MICU1: variants seen among roughly 807,000 people sequenced by gnomAD.
MICU1 encodes calcium uptake protein 1, mitochondrial.
A neutral mutation model predicts 56.8 loss-of-function variants in MICU1; 45 were observed. That is an observed-to-expected ratio of 0.79 (90% confidence interval 0.62 to 1.02). The LOEUF (loss-of-function observed/expected upper bound fraction) is 1.02, where lower values mean the gene tolerates loss of function less well. Ranked by LOEUF, MICU1 falls within the 50% of genes least tolerant of loss-of-function variation. The pLI is 0.00. For synonymous variants in MICU1, 186 were observed against 195.1 expected, an observed-to-expected ratio of 0.95 and a Z score of 0.39; for missense variants, 504 against 587.1, an observed-to-expected ratio of 0.86 and a Z score of 1.46.
chr10:72,416,354 C>T (rs1863983706), intron 9 of MICU1, among the ~76,000 whole-genome samples: 1 of 152,070 alleles, frequency 6.6e-6, no homozygotes, highest in Non-Finnish European at 1.5e-5. Context: ...GTTTTATGGC[C>T]ACATTTCACA....
At chr10:72,412,989 A>G (rs1453179951) in intron 9 of MICU1, among the ~76,000 whole-genome samples, 3 of 151,728 alleles carry the variant, frequency 2.0e-5, no homozygotes, top group Non-Finnish European at 4.4e-5. Context: ...TTGAGCCTGG[A>G]AGTTTGAGAC....
intron 8 of MICU1, among the ~76,000 whole-genome samples, chr10:72,471,930 T>TGG (rs1865963828): frequency 6.7e-6 from 1 of 150,266 alleles, no homozygotes; most frequent in African/African-American, 2.4e-5. Context: ...CACTATGCCT[T>TGG]TGTGTGTGTG....
At chr10:72,370,183 T>C (rs534983027) in intron 11 of MICU1, among the ~76,000 whole-genome samples, 113 of 151,860 alleles carry the variant, frequency 7.4e-4, no homozygotes, top group Non-Finnish European at 1.4e-3. Flanking sequence ...GCCAAGAGCA[T>C]CTGTTTTAAT....
chr10:72,481,371 AG>A (rs2132281298), intron 6 of MICU1, among the ~76,000 whole-genome samples: 1 of 152,262 alleles, frequency 6.6e-6, no homozygotes, highest in Non-Finnish European at 1.5e-5. Flanking sequence ...CTGTTTCCAT[AG>A]AAAGGTTCTG....
At chr10:72,400,902 CA>C (rs879452428) in intron 10 of MICU1, among the ~76,000 whole-genome samples, 4 of 149,228 alleles carry the variant, frequency 2.7e-5, no homozygotes, top group South Asian at 2.1e-4. Flanking sequence ...CACACACACA[CA>C]CCCTATATGA....
intron 6 of MICU1, chr10:72,477,528 A>G (rs886766453): frequency 7.8e-6 from 12 of 1,535,560 alleles, no homozygotes; most frequent in Non-Finnish European, 9.6e-6. Context: ...TAAATGATTT[A>G]GCTTTGCTTT....
chr10:72,512,298 A>G (rs1211030472), intron 5 of MICU1, among the ~76,000 whole-genome samples: 1 of 151,672 alleles, frequency 6.6e-6, no homozygotes, highest in Non-Finnish European at 1.5e-5. Context: ...TTTAGTAGAG[A>G]TGGGTTTCAC....
At chr10:72,605,587 T>A (rs1016680017) in intron 1 of MICU1, among the ~76,000 whole-genome samples, 1 of 152,172 alleles carries the variant, frequency 6.6e-6, no homozygotes, top group Non-Finnish European at 1.5e-5. Context: ...CCTGTGATAG[T>A]TTGAAAGGTA....
intron 9 of MICU1, among the ~76,000 whole-genome samples, chr10:72,409,954 C>T (rs2132108509): frequency 6.6e-6 from 1 of 152,300 alleles, no homozygotes; most frequent in South Asian, 2.1e-4. Context: ...TAATCATAAA[C>T]TCCAGCCCCT....
Position 72,367,722 on chromosome 10 carries a change from A to T in MICU1, c.*473T>A, listed in dbSNP as rs1370887207. On this transcript the variant is annotated 3_prime_UTR_variant, in exon 12 of 12. Coordinates refer to ENST00000361114, the MANE Select transcript of MICU1 (RefSeq NM_001195518.2). ...AGCGTAGGGTGCCTAGGTCATCCTC[A>T]TCATTGTTTATCATCACAGACTTCT... 1 of 158,092 alleles carries T rather than the reference A, an allele frequency of 6.3e-6. No individual in the cohort carries two copies. The allele number at this position is 158,092 out of a possible 1,614,324, so 9.8% of individuals were successfully genotyped here.
intron 1 of MICU1, among the ~76,000 whole-genome samples, chr10:72,570,134 G>A (rs1438210157): frequency 1.3e-5 from 2 of 151,914 alleles, no homozygotes; most frequent in African/African-American, 2.4e-5. Flanking sequence ...TAGTAAAGAC[G>A]GGGTCTTACC....
At chr10:72,401,762 G>A (rs923408187) in intron 10 of MICU1, among the ~76,000 whole-genome samples, 57 of 152,218 alleles carry the variant, frequency 3.7e-4, no homozygotes, top group African/African-American at 1.2e-3. Flanking sequence ...TCAAGTGTAC[G>A]ATAGGATTAC....
intron 5 of MICU1, chr10:72,528,680 C>G (rs1839390241): frequency 5.5e-6 from 1 of 180,542 alleles, no homozygotes; most frequent in Admixed American, 6.1e-5. Flanking sequence ...ATCTTCAAAA[C>G]ATTTAACTCT....
chr10:72,441,022 C>T (rs1365552519), intron 8 of MICU1, among the ~76,000 whole-genome samples: 5 of 152,094 alleles, frequency 3.3e-5, no homozygotes, highest in African/African-American at 1.2e-4. Context: ...ACCAGAATTA[C>T]CATTTGACCC....
intron 1 of MICU1, among the ~76,000 whole-genome samples, chr10:72,616,010 C>CAA (rs1019998017): frequency 3.3e-5 from 5 of 150,408 alleles, no homozygotes; most frequent in African/African-American, 9.8e-5. Flanking sequence ...AAACAAAAAA[C>CAA]AAAAAAAAAC....
intron 5 of MICU1, chr10:72,509,285 G>A (rs1052108100): frequency 2.0e-5 from 17 of 836,560 alleles, no homozygotes; most frequent in Non-Finnish European, 2.9e-5. Flanking sequence ...TGTCATGCAA[G>A]CATAAAGTAA....
chr10:72,394,827 G>A (rs1198579137), intron 10 of MICU1, among the ~76,000 whole-genome samples: 2 of 151,980 alleles, frequency 1.3e-5, no homozygotes, highest in African/African-American at 4.8e-5. Context: ...AACAATAAAT[G>A]TAAAAAAGAA....
At chr10:72,378,725 G>A (rs1262844105) in intron 10 of MICU1, among the ~76,000 whole-genome samples, 1 of 152,152 alleles carries the variant, frequency 6.6e-6, no homozygotes, top group African/African-American at 2.4e-5. Flanking sequence ...TTGGAGTAAC[G>A]GGACCTGGGC....
At chr10:72,460,457 C>A (rs1371800245) in intron 8 of MICU1, among the ~76,000 whole-genome samples, 2 of 151,786 alleles carry the variant, frequency 1.3e-5, no homozygotes, top group African/African-American at 4.8e-5. Context: ...TAGATTGATA[C>A]AAAACAGATA....
Sources: gnomAD v4.1 joint callset for allele counts (sites outside exome capture counted in the v4.1 genomes callset) on GRCh38, gnomAD v4.1.1 for gene constraint, MANE v1.5 for transcripts, NCBI Gene and HGNC (gene_info 2026-07-23, HGNC 2026-07-21) for gene names.